The following VPS13C variants were observed in gnomAD, a reference collection of about 807,000 sequenced individuals.
VPS13C encodes the protein intermembrane lipid transfer protein VPS13C.
VPS13C carries 358 observed loss-of-function variants against 456.8 expected under a neutral mutation model. That is an observed-to-expected ratio of 0.78 (90% confidence interval 0.72 to 0.86). VPS13C has a LOEUF of 0.86. Ranked by LOEUF, VPS13C falls within the 40% of genes least tolerant of loss-of-function variation. VPS13C has a pLI of 0.00. For missense variants in VPS13C, 4,818 were observed against 4,385.4 expected (o/e 1.10, Z -2.79); for synonymous variants, 1,578 against 1,486.7 (o/e 1.06, Z -1.41).
rs772420777 is a variant in VPS13C, at chr15:61,981,371, G to C, written c.2137C>G (p.Leu713Val). The change falls in exon 22 of 85, where the codon CTT (leucine) becomes GTT (valine). Residue 713 changes from leucine (L) to valine (V), a missense_variant. Around this residue, in one of 3 missense-constraint regions of VPS13C, gnomAD observed 4,552 missense variants for 4,130.6 expected, o/e 1.10. Coordinates refer to ENST00000644861, the MANE Select transcript of VPS13C (RefSeq NM_020821.3). ...QTGFHHEKSD[L>V]LILDFGTFQL... ...AATGTACCAAAATCTAAAATCAGAAGATCTGACTTTTCATGGTGGAAACCC... is the reference window on the plus strand; with the variant it reads ...AATGTACCAAAATCTAAAATCAGAACATCTGACTTTTCATGGTGGAAACCC... 1 of 1,610,504 alleles carries C rather than the reference G, an allele frequency of 6.2e-7. No individual in the cohort carries two copies. Among genetic ancestry groups the C allele is most frequent in the Non-Finnish European group, 8.5e-7 (1 of 1,178,814 alleles).
At chr15:61,916,883 A>C (rs1278714767) in intron 60 of VPS13C, among the ~76,000 whole-genome samples, 4 of 152,092 alleles carry the variant, frequency 2.6e-5, no homozygotes, top group African/African-American at 9.7e-5. Flanking sequence ...ATATTTTCTC[A>C]TTTTTTCCTA....
Position 61,962,786 on chromosome 15 carries a change from A to G in VPS13C, c.3398T>C (p.Ile1133Thr). 1 of 1,607,950 alleles carries G rather than the reference A, an allele frequency of 6.2e-7. No homozygotes were observed. Among genetic ancestry groups the G allele is most frequent in the African/African-American group, 1.3e-5 (1 of 74,926 alleles). The change falls in exon 33 of 85, where the codon ATT becomes ACT. Residue 1133 changes from isoleucine (I) to threonine (T), a missense_variant. Coordinates refer to ENST00000644861, the MANE Select transcript of VPS13C (RefSeq NM_020821.3). ...QSLFARLENI[I>T]VTDVDPKTVH... ...TGTCTTTGGATCAACATCTGTGACA[A>G]TAATATTTTCTAGTCGGGCAAAAAG...
chr15:61,867,656 A>C lies in VPS13C; in HGVS notation c.10863+1003T>G, dbSNP rs1350374593. On this transcript the variant is annotated intron_variant, in intron 81 of 84. Transcript: ENST00000644861. This position sits in a 1 kb window ranked among gnomAD's most constrained non-coding sequence, Gnocchi z 5.0. ...AACAGTATCTGCTTCTGAGCTCAAT[A>C]AAGGCTTTCATCTATTAAACGCAGA... 8.1e-7 allele frequency: 1 copy of C among 1,229,470 alleles called. No individual in the cohort carries two copies. Among genetic ancestry groups the C allele is most frequent in the African/African-American group, 1.6e-5 (1 of 63,064 alleles). 76.2% of individuals were successfully genotyped at this position (1,229,470 alleles called of 1,614,324 possible).
At chr15:61,877,477 T>A (rs139334188) in intron 74 of VPS13C, among the ~76,000 whole-genome samples, 1 of 144,928 alleles carries the variant, frequency 6.9e-6, no homozygotes, top group African/African-American at 2.5e-5. Context: ...CATGCTACCA[T>A]GTGGCAGTGT....
At chr15:61,941,697 T>G in intron 46 of VPS13C, 66 bp downstream of exon 46, 5 of 1,449,744 alleles carry the variant, frequency 3.4e-6, no homozygotes, top group Non-Finnish European at 4.6e-6. Flanking sequence ...CATTTTACCT[T>G]AGGTAAAAAT....
intron 16 of VPS13C, among the ~76,000 whole-genome samples, chr15:61,999,121 G>T (rs1033849154): frequency 6.6e-6 from 1 of 152,180 alleles, no homozygotes; most frequent in Non-Finnish European, 1.5e-5. Context: ...GCTCATGCCT[G>T]TAATCCCAGC....
intron 82 of VPS13C, among the ~76,000 whole-genome samples, chr15:61,862,008 G>A (rs1440971454): frequency 1.3e-5 from 2 of 152,150 alleles, no homozygotes; most frequent in African/African-American, 2.4e-5. Context: ...GCTGAGGCAC[G>A]AGAATCACTT....
rs181695492 is a variant in VPS13C, at chr15:62,049,917, A to G, written c.101-5662T>C. On this transcript the variant is annotated intron_variant, in intron 1 of 84. Transcript: ENST00000644861. ...GGCTCTCTGTTTGTCTGTTATTGGT[A>G]TATAAGAATGCTTGTGATTTTTGCA... Among the ~76,000 whole-genome samples, 669 of 152,080 alleles carry G rather than the reference A, an allele frequency of 4.4e-3. 4 individuals carry two copies. Among genetic ancestry groups the G allele is most frequent in the Non-Finnish European group, 7.4e-3 (505 of 67,998 alleles).
At chr15:61,962,724 T>C in intron 33 of VPS13C, 25 bp downstream of exon 33, 1 of 1,490,060 alleles carries the variant, frequency 6.7e-7, no homozygotes, top group Non-Finnish European at 9.2e-7. Flanking sequence ...TAAAGAATAT[T>C]AACTATCTGT....
intron 66 of VPS13C, among the ~76,000 whole-genome samples, chr15:61,892,086 C>G (rs552915233): frequency 6.2e-4 from 95 of 152,346 alleles, no homozygotes; most frequent in African/African-American, 2.3e-3. Flanking sequence ...CCATCTTGGG[C>G]TCCCTTGCAG....
intron 50 of VPS13C, among the ~76,000 whole-genome samples, chr15:61,930,184 A>G (rs1241903428): frequency 6.6e-6 from 1 of 152,224 alleles, no homozygotes; most frequent in East Asian, 1.9e-4. Flanking sequence ...AGATCATCCT[A>G]CGAAAATTTG....
chr15:61,894,321 GA>G (rs796282618), intron 66 of VPS13C, among the ~76,000 whole-genome samples: 4,956 of 130,958 alleles, frequency 0.038, 231 homozygotes, highest in African/African-American at 0.11. Flanking sequence ...ACAAAAAGCA[GA>G]AAAAAAAAAA....
At chr15:62,005,418 C>A (rs187866184) in intron 15 of VPS13C, among the ~76,000 whole-genome samples, 2 of 151,952 alleles carry the variant, frequency 1.3e-5, no homozygotes, top group Non-Finnish European at 2.9e-5. Context: ...TGTCTCTGCA[C>A]GTGAGATGGG....
intron 82 of VPS13C, among the ~76,000 whole-genome samples, chr15:61,861,251 A>C (rs1292861783): frequency 6.6e-6 from 1 of 152,004 alleles, no homozygotes; most frequent in Non-Finnish European, 1.5e-5. Flanking sequence ...GGCTTAAGCC[A>C]CCACACCCAG....
chr15:61,981,055 C>T (rs1329735809), intron 22 of VPS13C, among the ~76,000 whole-genome samples: 1 of 152,032 alleles, frequency 6.6e-6, no homozygotes, highest in Admixed American at 6.5e-5. Context: ...TATAATTAAG[C>T]CCTGGAAACT....
rs376978672 is a variant in VPS13C, at chr15:61,918,207, A to G, written c.7689T>C (p.Asn2563=). 5 of 1,596,240 alleles carry G rather than the reference A, an allele frequency of 3.1e-6. No homozygotes were observed. The African/African-American group carries it at 5.4e-5, about 17-fold the overall frequency. Residue 2563 remains asparagine, a synonymous_variant, in exon 59 of 85, where the codon AAT becomes AAC. Transcript: ENST00000644861. ...IAFIIYKFVK[N]VKLLERIGIA... is the part of the protein sequence containing the mutation. ...TCCCAATGCGCTCCAATAGCTTAACATTCTTAACAAATTTATAGATGATAA... is the reference window on the plus strand; with the variant it reads ...TCCCAATGCGCTCCAATAGCTTAACGTTCTTAACAAATTTATAGATGATAA...
Position 61,961,666 on chromosome 15 carries a change from C to G in VPS13C, c.3831G>C (p.Leu1277=), listed in dbSNP as rs752833203. 48 of 1,613,850 alleles carry G rather than the reference C, an allele frequency of 3.0e-5. No individual in the cohort carries two copies. Among genetic ancestry groups the G allele is most frequent in the Non-Finnish European group, 3.9e-5 (46 of 1,179,876 alleles). ...GLIRVHNQFS[L]VSDEDYLNPP... ...GATTTAAGTAGTCTTCATCAGACAC[C>G]AGACTGAACTGATTATGAACTCTGA... Residue 1277 remains leucine (L), a synonymous_variant, in exon 35 of 85, where the codon CTG becomes CTC. Coordinates refer to ENST00000644861, the MANE Select transcript of VPS13C (RefSeq NM_020821.3).
chr15:61,998,947 C>A (rs936458015), intron 16 of VPS13C, among the ~76,000 whole-genome samples: 6 of 152,268 alleles, frequency 3.9e-5, no homozygotes, highest in African/African-American at 1.4e-4. Context: ...ATAACATTTT[C>A]TTTTCTCTGG....
At chr15:61,964,007 T>G (rs1456463855) in intron 31 of VPS13C, 56 bp from the exon 32 acceptor site, 3 of 1,166,416 alleles carry the variant, frequency 2.6e-6, no homozygotes, top group Non-Finnish European at 3.8e-6. Context: ...TCTACATTCT[T>G]TTAAGGTTTA....
Sources: allele counts gnomAD v4.1 joint callset (sites outside exome capture counted in the v4.1 genomes callset), GRCh38; gene constraint gnomAD v4.1.1; regional missense constraint gnomAD v4.1.1; non-coding constraint Gnocchi (gnomAD v3.1); transcripts MANE v1.5; gene names NCBI Gene and HGNC (gene_info 2026-07-23, HGNC 2026-07-21).